TENM3: variants seen among roughly 807,000 people sequenced by gnomAD.
TENM3 encodes the protein teneurin-3.
A neutral mutation model predicts 255.1 loss-of-function variants in TENM3; 63 were observed. The ratio of observed to expected loss-of-function variants is 0.25; its 90% CI spans 0.20 to 0.30. TENM3 has a LOEUF of 0.30. TENM3 is among the 10% of genes least tolerant of loss of function. The probability of loss-of-function intolerance (pLI) is 1.00; values close to 1 mark genes in which losing one functional copy is unlikely to be tolerated. For synonymous variants in TENM3, 1,306 were observed against 1,322.3 expected (o/e 0.99, Z 0.27); for missense variants, 2,929 against 3,461.1 (o/e 0.85, Z 3.86).
At chr4:182,696,850 ATTCTTT>A (rs1554017331) in intron 12 of TENM3, among the ~76,000 whole-genome samples, 1 of 152,068 alleles carries the variant, frequency 6.6e-6, no homozygotes, top group Non-Finnish European at 1.5e-5. Flanking sequence ...ATATTTTGAT[ATTCTTT>A]TTCTTAAAGA....
chr4:182,462,950 A>G (rs1383523775), intron 3 of TENM3, among the ~76,000 whole-genome samples: 1 of 151,998 alleles, frequency 6.6e-6, no homozygotes, highest in Non-Finnish European at 1.5e-5. Flanking sequence ...TAGGCAGGGC[A>G]TTGGTTCCAG....
intron 1 of TENM3, among the ~76,000 whole-genome samples, chr4:182,246,703 T>C (rs995036959): frequency 6.6e-6 from 1 of 152,078 alleles, no homozygotes; most frequent in African/African-American, 2.4e-5. Flanking sequence ...TCATAAGAAA[T>C]AGAGAGATAT....
intron 22 of TENM3, among the ~76,000 whole-genome samples, chr4:182,762,341 T>C (rs1763268705): frequency 6.6e-6 from 1 of 152,238 alleles, no homozygotes; most frequent in South Asian, 2.1e-4. Flanking sequence ...GATTAGATGA[T>C]TTGATGGCCT....
At chr4:182,583,701 T>C (rs1489731702) in intron 3 of TENM3, among the ~76,000 whole-genome samples, 1 of 152,118 alleles carries the variant, frequency 6.6e-6, no homozygotes, top group East Asian at 1.9e-4. Flanking sequence ...TTTTTAAAAT[T>C]AATGTCAGAA....
intron 7 of TENM3, among the ~76,000 whole-genome samples, chr4:182,678,981 T>A (rs948752622): frequency 6.6e-6 from 1 of 152,168 alleles, no homozygotes; most frequent in Non-Finnish European, 1.5e-5. Flanking sequence ...AAACGCCGCA[T>A]GTTCTCACTC....
intron 3 of TENM3, among the ~76,000 whole-genome samples, chr4:182,435,941 GA>G (rs1034368524): frequency 6.9e-5 from 10 of 144,242 alleles, no homozygotes; most frequent in African/African-American, 1.5e-4. Flanking sequence ...TGATCCTTCA[GA>G]AAAAAAAAAG....
intron 19 of TENM3, among the ~76,000 whole-genome samples, chr4:182,751,342 A>T (rs1762358354): frequency 6.6e-6 from 1 of 151,908 alleles, no homozygotes; most frequent in South Asian, 2.1e-4. Context: ...AAAGGATAAT[A>T]CCCTATGGTG....
chr4:182,279,079 C>G (rs1352140992), intron 1 of TENM3, among the ~76,000 whole-genome samples: 2 of 152,186 alleles, frequency 1.3e-5, no homozygotes, highest in Non-Finnish European at 2.9e-5. Context: ...CAGCACTGCA[C>G]AAACCAGCAA....
intron 3 of TENM3, among the ~76,000 whole-genome samples, chr4:182,456,264 C>T (rs1430751793): frequency 6.6e-6 from 1 of 152,192 alleles, no homozygotes; most frequent in African/African-American, 2.4e-5. Context: ...TACTACTGCT[C>T]TGTCATCAAA....
intron 1 of TENM3, among the ~76,000 whole-genome samples, chr4:182,176,328 A>G (rs529064045): frequency 7.4e-6 from 1 of 135,718 alleles, no homozygotes; most frequent in African/African-American, 2.5e-5. Flanking sequence ...CTTTTGGCAG[A>G]TTACCTCCTC....
At chr4:182,306,272 C>T (rs1456173031) in intron 1 of TENM3, among the ~76,000 whole-genome samples, 6 of 151,840 alleles carry the variant, frequency 4.0e-5, no homozygotes, top group Admixed American at 2.0e-4. Flanking sequence ...TAGCCTGCAA[C>T]CTTGACCTCC....
At chr4:182,293,296 A>T (rs932488727) in intron 1 of TENM3, among the ~76,000 whole-genome samples, 1 of 152,224 alleles carries the variant, frequency 6.6e-6, no homozygotes, top group African/African-American at 2.4e-5. Context: ...ACCAGCCTCC[A>T]TCCAAACCAG....
chr4:182,181,373 C>A lies in TENM3; in HGVS notation c.-76+36619C>A, dbSNP rs557798351. On this transcript the variant is annotated intron_variant, in intron 1 of 2. Coordinates refer to the TENM3 transcript ENST00000512480. ...CCAAATCTTCTGCTGAAAGAGGGGGCCCTCCCGTGGGAGGCTTTAGTTGTT... is the reference window on the plus strand; with the variant it reads ...CCAAATCTTCTGCTGAAAGAGGGGGACCTCCCGTGGGAGGCTTTAGTTGTT... 1.1e-4 allele frequency among the ~76,000 whole-genome samples: 16 copies of A among 152,274 alleles called. No homozygotes were observed. The South Asian group carries it at 2.7e-3, about 26-fold the overall frequency.
intron 3 of TENM3, among the ~76,000 whole-genome samples, chr4:182,563,172 A>G (rs1460148468): frequency 6.6e-6 from 1 of 152,032 alleles, no homozygotes; most frequent in Admixed American, 6.6e-5. Flanking sequence ...CCCAACACTT[A>G]GGGAGGTTGA....
In TENM3 at chr4:182,473,576, G is replaced by A. The variant is rs899220051; in HGVS notation, c.511+126647G>A. ...TAGTCCCAGCTACTCGGGAGGCTGAGGCAAGTGAATGGCGTGAACTAGGGA... is the reference window on the plus strand; with the variant it reads ...TAGTCCCAGCTACTCGGGAGGCTGAAGCAAGTGAATGGCGTGAACTAGGGA... On this transcript the variant is annotated intron_variant, in intron 3 of 27. Transcript: ENST00000511685. 1.2e-4 allele frequency among the ~76,000 whole-genome samples: 18 copies of A among 152,310 alleles called. No homozygotes were observed. In the East Asian group the frequency reaches 3.5e-3, roughly 29 times the overall value.
chr4:181,987,022 A>G, the TENM3 span, among the ~76,000 whole-genome samples: 36 of 152,184 alleles, frequency 2.4e-4, no homozygotes, highest in African/African-American at 8.7e-4. Context: ...CAATTCTAAT[A>G]TATCTTCCTT....
At chr4:182,576,554 C>G (rs1003306712) in intron 3 of TENM3, among the ~76,000 whole-genome samples, 1 of 152,152 alleles carries the variant, frequency 6.6e-6, no homozygotes, top group African/African-American at 2.4e-5. Flanking sequence ...ATGAAAGATA[C>G]TTCTTAAATA....
At position 182,559,597 on chromosome 4, in the gene TENM3, C is replaced by T. The variant is rs571503357; in HGVS notation, c.512-41327C>T. Among the ~76,000 whole-genome samples the T allele has an allele frequency of 1.2e-3, 178 of 152,206 alleles. 1 individual carries two copies. The highest frequency in any genetic ancestry group is 4.1e-3 in the African/African-American group (169 of 41,538). On this transcript the variant is annotated intron_variant, in intron 3 of 27. Transcript: ENST00000511685. The stretch of plus-strand genomic sequence containing the variant: ...GAAAAATGCTTACCTTATGCAAGCA[C>T]CCTGTAATAAACTTTGAGATTTTCT...
chr4:182,066,096 GT>G, the TENM3 span, among the ~76,000 whole-genome samples: 3 of 147,558 alleles, frequency 2.0e-5, no homozygotes, highest in East Asian at 5.8e-4. Context: ...ACAGCAACTA[GT>G]TTTACGTTCC....
Sources: allele counts gnomAD v4.1 joint callset (sites outside exome capture counted in the v4.1 genomes callset), GRCh38; gene constraint gnomAD v4.1.1; transcripts MANE v1.5; gene names NCBI Gene and HGNC (gene_info 2026-07-23, HGNC 2026-07-21).